SOX5: variants seen among roughly 807,000 people sequenced by gnomAD.
The protein encoded by SOX5 is SRY-box transcription factor 5.
SOX5 carries 9 observed loss-of-function variants against 92.0 expected under a neutral mutation model. The ratio of observed to expected loss-of-function variants is 0.10; its 90% CI spans 0.06 to 0.17. The LOEUF is 0.17. Ranked by LOEUF, SOX5 falls within the 10% of genes least tolerant of loss-of-function variation. The probability of loss-of-function intolerance (pLI) is 1.00; values close to 1 mark genes in which losing one functional copy is unlikely to be tolerated. For missense variants in SOX5, 642 were observed against 944.5 expected (o/e 0.68, Z 4.20); for synonymous variants, 344 against 336.3 (o/e 1.02, Z -0.25).
chr12:24,182,429 C>T (rs1955591859), intron 4 of SOX5, among the ~76,000 whole-genome samples: 1 of 152,136 alleles, frequency 6.6e-6, no homozygotes, highest in Admixed American at 6.5e-5. Flanking sequence ...AGCTGTAAAG[C>T]AAAATGATTT....
At chr12:24,411,134 C>T (rs946181566) in intron 1 of SOX5, among the ~76,000 whole-genome samples, 2 of 151,566 alleles carry the variant, frequency 1.3e-5, no homozygotes, top group South Asian at 2.1e-4. Context: ...ATATAACTGA[C>T]TTTCGTATGT....
intron 2 of SOX5, among the ~76,000 whole-genome samples, chr12:23,875,521 G>A (rs920432142): frequency 1.3e-5 from 2 of 151,940 alleles, no homozygotes; most frequent in Non-Finnish European, 2.9e-5. Flanking sequence ...TCATAGAAAG[G>A]AAGGAAGAAA....
At chr12:24,120,419 C>T (rs1948490727) in intron 4 of SOX5, among the ~76,000 whole-genome samples, 1 of 152,310 alleles carries the variant, frequency 6.6e-6, no homozygotes, top group African/African-American at 2.4e-5. Flanking sequence ...CACTGGCCAT[C>T]TTGTTCAATA....
At chr12:23,560,369 T>C (rs1250453473) in intron 11 of SOX5, among the ~76,000 whole-genome samples, 2 of 152,214 alleles carry the variant, frequency 1.3e-5, no homozygotes, top group Non-Finnish European at 2.9e-5. Flanking sequence ...CACATATTTA[T>C]TGGCCATAGA....
intron 1 of SOX5, among the ~76,000 whole-genome samples, chr12:24,449,573 G>A (rs971852870): frequency 6.6e-6 from 1 of 152,192 alleles, no homozygotes; most frequent in Admixed American, 6.5e-5. Context: ...TCTGAGAACA[G>A]GAACCTTGTG....
chr12:23,706,703 T>C (rs2091434720), intron 6 of SOX5, among the ~76,000 whole-genome samples: 1 of 152,030 alleles, frequency 6.6e-6, no homozygotes, highest in Non-Finnish European at 1.5e-5. Context: ...TAAATAGTAT[T>C]TTAATGTATC....
intron 4 of SOX5, among the ~76,000 whole-genome samples, chr12:24,086,085 C>T (rs1195737228): frequency 6.6e-6 from 1 of 151,936 alleles, no homozygotes; most frequent in African/African-American, 2.4e-5. Flanking sequence ...TTAAGAAAGC[C>T]AAGAGTATTC....
chr12:23,852,652 A>G (rs1330328258), intron 2 of SOX5, among the ~76,000 whole-genome samples: 1 of 152,218 alleles, frequency 6.6e-6, no homozygotes, highest in East Asian at 1.9e-4. Context: ...AATATTTAAA[A>G]GTGTGTTCTT....
intron 3 of SOX5, among the ~76,000 whole-genome samples, chr12:23,757,163 C>T (rs1400229611): frequency 2.0e-5 from 3 of 151,698 alleles, no homozygotes; most frequent in Non-Finnish European, 4.4e-5. Context: ...ATGTATATGC[C>T]CTTACAACAA....
chr12:23,946,383 A>AACAAGAAATG (rs1944591991), intron 1 of SOX5, among the ~76,000 whole-genome samples: 1 of 152,088 alleles, frequency 6.6e-6, no homozygotes, highest in Non-Finnish European at 1.5e-5. Context: ...CGGGAAGCTT[A>AACAAGAAATG]GACACAAAAC....
At chr12:24,364,030 G>A (rs1353372743) in intron 2 of SOX5, among the ~76,000 whole-genome samples, 1 of 152,164 alleles carries the variant, frequency 6.6e-6, no homozygotes, top group Non-Finnish European at 1.5e-5. Context: ...ACCTGAGAAA[G>A]ATTATTTAGA....
At chr12:24,019,904 T>C (rs1429532434) in intron 4 of SOX5, among the ~76,000 whole-genome samples, 2 of 152,196 alleles carry the variant, frequency 1.3e-5, no homozygotes, top group Admixed American at 6.5e-5. Flanking sequence ...TAATTACTTT[T>C]ACCAAAGGGA....
chr12:23,628,563 T>C (rs2078132659), intron 8 of SOX5, among the ~76,000 whole-genome samples: 1 of 152,218 alleles, frequency 6.6e-6, no homozygotes, highest in African/African-American at 2.4e-5. Flanking sequence ...TAGCAAATAA[T>C]TTGTGAGCAT....
intron 11 of SOX5, among the ~76,000 whole-genome samples, chr12:23,558,145 C>T (rs777508625): frequency 1.3e-5 from 2 of 152,168 alleles, no homozygotes; most frequent in Non-Finnish European, 2.9e-5. Flanking sequence ...TGTTCCTACC[C>T]AGTAGCCATT....
intron 3 of SOX5, among the ~76,000 whole-genome samples, chr12:23,786,614 A>G (rs2095384357): frequency 6.8e-6 from 1 of 147,200 alleles, no homozygotes; most frequent in Admixed American, 6.6e-5. Context: ...TTCCTACTGT[A>G]TCAATCACGT....
intron 9 of SOX5, chr12:23,582,340 T>C (rs995077532): frequency 2.1e-6 from 2 of 948,776 alleles, no homozygotes; most frequent in Non-Finnish European, 2.5e-6. Flanking sequence ...GAGATGGAAG[T>C]GTACCTGCTG....
intron 2 of SOX5, among the ~76,000 whole-genome samples, chr12:24,298,224 C>A (rs1947514680): frequency 6.6e-6 from 1 of 152,104 alleles, no homozygotes; most frequent in Admixed American, 6.6e-5. Context: ...GCACCACCAC[C>A]ACGTCCAGCT....
At chr12:23,561,550 G>T (rs184556577) in intron 11 of SOX5, among the ~76,000 whole-genome samples, 1 of 152,110 alleles carries the variant, frequency 6.6e-6, no homozygotes, top group Non-Finnish European at 1.5e-5. Context: ...ATTGCCCTCC[G>T]ATGTGAATGA....
chr12:23,641,999 TGAATTTACTGG>T (rs572911214), intron 7 of SOX5, among the ~76,000 whole-genome samples: 1,590 of 152,338 alleles, frequency 0.01, 20 homozygotes, highest in Non-Finnish European at 0.016. Flanking sequence ...TATGCAGATG[TGAATTTACTGG>T]GAATTTAATG....
Sources: allele counts gnomAD v4.1 joint callset (sites outside exome capture counted in the v4.1 genomes callset), GRCh38; gene constraint gnomAD v4.1.1; transcripts MANE v1.5; gene names NCBI Gene and HGNC (gene_info 2026-07-23, HGNC 2026-07-21).